SEMA3A: variants seen among roughly 807,000 people sequenced by gnomAD.
SEMA3A encodes semaphorin 3A.
A neutral mutation model predicts 97.9 loss-of-function variants in SEMA3A; 29 were observed. The ratio of observed to expected loss-of-function variants is 0.30; its 90% CI spans 0.22 to 0.40. The LOEUF is 0.40. SEMA3A is among the 10% of genes least tolerant of loss of function. SEMA3A has a pLI of 1.00. For missense variants in SEMA3A, 763 were observed against 951.3 expected (o/e 0.80, Z 2.60); for synonymous variants, 321 against 323.7 (o/e 0.99, Z 0.09).
intron 3 of SEMA3A, among the ~76,000 whole-genome samples, chr7:84,293,152 A>G: frequency 6.6e-6 from 1 of 152,054 alleles, no homozygotes; most frequent in East Asian, 1.9e-4. Context: ...AGCACATTTT[A>G]AAAAATGTTT....
intron 3 of SEMA3A, among the ~76,000 whole-genome samples, chr7:84,301,005 G>A (rs183367151): frequency 1.3e-5 from 2 of 152,036 alleles, no homozygotes; most frequent in Admixed American, 1.3e-4. Context: ...ATAGTAAAAA[G>A]ATATCCAGAG....
intron 3 of SEMA3A, among the ~76,000 whole-genome samples, chr7:84,241,761 G>T (rs1799370242): frequency 6.6e-6 from 1 of 152,106 alleles, no homozygotes; most frequent in Non-Finnish European, 1.5e-5. Flanking sequence ...ATGGTTTCAG[G>T]TCTTACGTTT....
chr7:84,282,648 T>TA (rs536224300), intron 3 of SEMA3A, among the ~76,000 whole-genome samples: 1 of 152,146 alleles, frequency 6.6e-6, no homozygotes, highest in Non-Finnish European at 1.5e-5. Flanking sequence ...TAGTATCTAT[T>TA]AATAGCTGTG....
At chr7:84,129,856 T>C (rs1053156461) in intron 2 of SEMA3A, among the ~76,000 whole-genome samples, 3 of 151,990 alleles carry the variant, frequency 2.0e-5, no homozygotes, top group African/African-American at 7.2e-5. Flanking sequence ...AAAAGACTAG[T>C]TGAGAAACAA....
At chr7:84,479,588 C>T (rs1037401568) in intron 1 of SEMA3A, among the ~76,000 whole-genome samples, 2 of 151,970 alleles carry the variant, frequency 1.3e-5, no homozygotes, top group Admixed American at 6.6e-5. Context: ...ATGAGACATG[C>T]TATAGAATTC....
At position 84,219,569 on chromosome 7, in the gene SEMA3A, T is replaced by A. The variant is rs947345407; in HGVS notation, c.-82-24901A>T. Among the ~76,000 whole-genome samples, 5 of 152,172 alleles carry A rather than the reference T, an allele frequency of 3.3e-5. No homozygotes were observed. In the South Asian group the frequency reaches 8.3e-4, roughly 25 times the overall value. On this transcript the variant is annotated intron_variant, in intron 3 of 3. Transcript: ENST00000424555. The stretch of plus-strand genomic sequence containing the variant: ...ATTTTTGTTTGTTTCCCAGCACATA[T>A]AAAAGTGATGTGTCAACTATACTGC...
chr7:84,469,418 G>T (rs912194769), intron 1 of SEMA3A, among the ~76,000 whole-genome samples: 3 of 152,130 alleles, frequency 2.0e-5, no homozygotes, highest in Non-Finnish European at 4.4e-5. Context: ...CATTAAATTG[G>T]TTTTTGTAGC....
intron 2 of SEMA3A, among the ~76,000 whole-genome samples, chr7:84,312,078 A>G (rs1252933662): frequency 6.6e-6 from 1 of 151,958 alleles, no homozygotes; most frequent in Admixed American, 6.6e-5. Context: ...ACAGGCTGAA[A>G]ATAAATGTAA....
At chr7:84,398,765 G>A (rs1157705597) in intron 1 of SEMA3A, among the ~76,000 whole-genome samples, 1 of 151,772 alleles carries the variant, frequency 6.6e-6, no homozygotes, top group Non-Finnish European at 1.5e-5. Flanking sequence ...GTATGATTGT[G>A]CCACTGAACT....
At chr7:84,431,115 A>T (rs1164730169) in intron 1 of SEMA3A, among the ~76,000 whole-genome samples, 3 of 152,038 alleles carry the variant, frequency 2.0e-5, no homozygotes, top group African/African-American at 7.2e-5. Flanking sequence ...AATGAAATTT[A>T]ACATTGATTG....
chr7:84,411,993 A>G (rs940145417), intron 1 of SEMA3A, among the ~76,000 whole-genome samples: 2 of 152,138 alleles, frequency 1.3e-5, no homozygotes, highest in African/African-American at 2.4e-5. Context: ...TGTAATTTCT[A>G]CAAATTCTAC....
chr7:84,109,741 C>T (rs1795220050), intron 4 of SEMA3A, among the ~76,000 whole-genome samples: 1 of 152,030 alleles, frequency 6.6e-6, no homozygotes, highest in South Asian at 2.1e-4. Flanking sequence ...ATTTTCTCAC[C>T]ACGTGAACAC....
At chr7:84,467,366 C>A (rs1806027303) in intron 1 of SEMA3A, among the ~76,000 whole-genome samples, 1 of 151,422 alleles carries the variant, frequency 6.6e-6, no homozygotes, top group Non-Finnish European at 1.5e-5. Flanking sequence ...ACTAAAAATA[C>A]AAAAAATTAG....
chr7:84,137,653 C>G (rs1286164245), intron 1 of SEMA3A, among the ~76,000 whole-genome samples: 1 of 132,428 alleles, frequency 7.6e-6, no homozygotes, highest in Non-Finnish European at 1.5e-5. Context: ...ATTCTAAGAT[C>G]TGTAATTCTA....
chr7:84,443,474 T>G (rs575930346), intron 1 of SEMA3A, among the ~76,000 whole-genome samples: 1 of 152,174 alleles, frequency 6.6e-6, no homozygotes, highest in South Asian at 2.1e-4. Context: ...ACTTTATTAA[T>G]GGAAAAAAGA....
intron 3 of SEMA3A, 23 bp from the exon 4 acceptor site, chr7:84,110,612 A>G (rs371903465): frequency 6.2e-7 from 1 of 1,612,166 alleles, no homozygotes; most frequent in South Asian, 1.1e-5. Context: ...AGGAAAACCA[A>G]AGAGTTTCAG....
In SEMA3A at chr7:84,130,423, C is replaced by A. The variant is rs187635522; in HGVS notation, c.271-1238G>T. On this transcript the variant is annotated intron_variant, in intron 2 of 16. Coordinates refer to ENST00000265362, the MANE Select transcript of SEMA3A (RefSeq NM_006080.3). ...CAGGTCCATGTCAAAACAATATACC[C>A]TAAAAATTATTGGATAGGCATTCAT... is the stretch of plus-strand genomic sequence containing the variant. Among the ~76,000 whole-genome samples the A allele has an allele frequency of 3.3e-5, 5 of 152,202 alleles. No homozygotes were observed. In the East Asian group the frequency reaches 9.7e-4, roughly 29 times the overall value.
intron 11 of SEMA3A, among the ~76,000 whole-genome samples, chr7:84,002,344 A>G (rs1444533422): frequency 6.6e-6 from 1 of 152,204 alleles, no homozygotes; most frequent in East Asian, 1.9e-4. Flanking sequence ...TTAAAATATA[A>G]TAATTATTAC....
At chr7:84,282,696 A>T (rs1800470879) in intron 3 of SEMA3A, among the ~76,000 whole-genome samples, 1 of 152,064 alleles carries the variant, frequency 6.6e-6, no homozygotes, top group Admixed American at 6.6e-5. Flanking sequence ...CCCCACCAAA[A>T]CTAAACAAAA....
Sources: allele counts gnomAD v4.1 joint callset (sites outside exome capture counted in the v4.1 genomes callset), GRCh38; gene constraint gnomAD v4.1.1; transcripts MANE v1.5; gene names NCBI Gene and HGNC (gene_info 2026-07-23, HGNC 2026-07-21).